The following THSD7A variants were observed in gnomAD, a reference collection of about 807,000 sequenced individuals.
THSD7A encodes the protein thrombospondin type-1 domain-containing protein 7A.
Under a neutral mutation model 231.3 loss-of-function variants are expected in THSD7A, and 96 were observed. The observed-to-expected ratio is 0.41, with a 90% CI of 0.35 to 0.49. The LOEUF (loss-of-function observed/expected upper bound fraction) is 0.49. Ranked by LOEUF, THSD7A falls within the 20% of genes least tolerant of loss-of-function variation. THSD7A has a pLI of 0.05. For missense variants in THSD7A, 2,290 were observed against 2,070.2 expected, an observed-to-expected ratio of 1.11 and a Z score of -2.06; for synonymous variants, 940 against 743.3, an observed-to-expected ratio of 1.26 and a Z score of -4.30.
intron 6 of THSD7A, among the ~76,000 whole-genome samples, chr7:11,499,352 A>C (rs1355381054): frequency 6.6e-6 from 1 of 151,992 alleles, no homozygotes; most frequent in South Asian, 2.1e-4. Context: ...ACTTGACCAC[A>C]ACCACTAATA....
chr7:11,809,150 C>G (rs1487206979), intron 1 of THSD7A, among the ~76,000 whole-genome samples: 1 of 152,042 alleles, frequency 6.6e-6, no homozygotes, highest in African/African-American at 2.4e-5. Context: ...CAGCTTTTGC[C>G]TCAAGAAGTC....
At chr7:11,745,245 T>C (rs1421271991) in intron 1 of THSD7A, among the ~76,000 whole-genome samples, 1 of 152,154 alleles carries the variant, frequency 6.6e-6, no homozygotes, top group Non-Finnish European at 1.5e-5. Flanking sequence ...TGTCTTCTTC[T>C]GAGAAATGTC....
intron 6 of THSD7A, among the ~76,000 whole-genome samples, chr7:11,523,668 G>T (rs1788358442): frequency 6.6e-6 from 1 of 151,994 alleles, no homozygotes; most frequent in Admixed American, 6.6e-5. Context: ...TAGAAAAGTT[G>T]TCTGGACCTG....
At chr7:11,778,467 C>T (rs80102062) in intron 1 of THSD7A, among the ~76,000 whole-genome samples, 2,695 of 152,112 alleles carry the variant, frequency 0.018, 46 homozygotes, top group Non-Finnish European at 0.03. Context: ...ATAGTGCCAA[C>T]AGAAATAAAG....
At chr7:11,383,004 G>C (rs1782583924) in intron 23 of THSD7A, among the ~76,000 whole-genome samples, 1 of 150,832 alleles carries the variant, frequency 6.6e-6, no homozygotes, top group Non-Finnish European at 1.5e-5. Context: ...TCATTAGCTT[G>C]TTGATGAATA....
intron 4 of THSD7A, among the ~76,000 whole-genome samples, chr7:11,548,350 G>A (rs1789485010): frequency 6.6e-6 from 1 of 151,964 alleles, no homozygotes; most frequent in Admixed American, 6.6e-5. Context: ...AAGTTCTAAA[G>A]TTGAAACAGT....
intron 1 of THSD7A, among the ~76,000 whole-genome samples, chr7:11,733,748 G>A (rs1036486895): frequency 1.3e-5 from 2 of 151,864 alleles, no homozygotes; most frequent in Admixed American, 1.3e-4. Flanking sequence ...ATAGAAGGCC[G>A]AAATTAAGGT....
Position 11,411,365 on chromosome 7 carries a change from A to AAAC in THSD7A, c.3683-46_3683-44dup. 1 of 1,370,672 alleles carries AAAC rather than the reference A, an allele frequency of 7.3e-7. No individual in the cohort carries two copies. The highest frequency in any genetic ancestry group is 1.0e-6 in the Non-Finnish European group (1 of 973,646). 84.9% of individuals were successfully genotyped at this position (1,370,672 alleles called of 1,614,324 possible). A position where few individuals can be genotyped will look rare whatever the true frequency, so the allele number is the denominator to read the frequency against. On this transcript the variant is annotated intron_variant, in intron 18 of 27. Transcript: ENST00000423059. This position sits in a 1 kb window ranked among gnomAD's most constrained non-coding sequence, Gnocchi z 4.1. ...CCATCAGAACAGAAGGCTAAGTAAG[A>AAAC]AACAGATTTCAAATGAAACTCTGAT...
At chr7:11,756,306 T>G (rs1782674183) in intron 1 of THSD7A, among the ~76,000 whole-genome samples, 1 of 152,136 alleles carries the variant, frequency 6.6e-6, no homozygotes, top group African/African-American at 2.4e-5. Flanking sequence ...GGAAGGTGAC[T>G]TCTAGGGTCA....
Position 11,466,553 on chromosome 7 carries a change from T to A in THSD7A, c.2368+3326A>T, listed in dbSNP as rs898352940. ...CTATCACTCTCCAGTCTTTAAAAAA[T>A]TTTTATTTCCTCAAATACCCAACTG... is the stretch of plus-strand genomic sequence containing the variant. On this transcript the variant is annotated intron_variant, in intron 9 of 27. Transcript: ENST00000423059. 7.9e-5 allele frequency among the ~76,000 whole-genome samples: 12 copies of A among 152,222 alleles called. No individual in the cohort carries two copies. The South Asian group carries it at 8.3e-4, about 11-fold the overall frequency.
chr7:11,424,618 G>C, intron 16 of THSD7A, 78 bp downstream of exon 16: 1 of 1,574,680 alleles, frequency 6.4e-7, no homozygotes, highest in Non-Finnish European at 8.6e-7. Flanking sequence ...GGGGAGGAGT[G>C]AACAGTCATG....
At chr7:11,483,979 T>C (rs1207788458) in intron 6 of THSD7A, among the ~76,000 whole-genome samples, 1 of 152,112 alleles carries the variant, frequency 6.6e-6, no homozygotes, top group African/African-American at 2.4e-5. Context: ...AATTTTGACC[T>C]TTCTTCTAAG....
rs563183655 is a variant in THSD7A at position 11,588,618 on chromosome 7, G to A, written c.1453+1842C>T. On this transcript the variant is annotated intron_variant, in intron 4 of 27. Transcript: ENST00000423059. ...TGCAGTGATTTAGCAGTGGTTGGGG[G>A]GAGCTCTAAAAGAAAATGCTTTAAA... 1.6e-3 allele frequency among the ~76,000 whole-genome samples: 240 copies of A among 151,950 alleles called. 1 individual carries two copies. Among genetic ancestry groups the A allele is most frequent in the African/African-American group, 5.6e-3 (231 of 41,436 alleles).
intron 6 of THSD7A, among the ~76,000 whole-genome samples, chr7:11,500,199 A>G (rs1049581921): frequency 2.6e-5 from 4 of 152,196 alleles, no homozygotes; most frequent in African/African-American, 9.6e-5. Flanking sequence ...AAAAATCTTC[A>G]ACTAACACTT....
intron 1 of THSD7A, among the ~76,000 whole-genome samples, chr7:11,769,136 TATATATATATATATATA>T (rs1562541212): frequency 5.7e-5 from 3 of 52,350 alleles, no homozygotes; most frequent in African/African-American, 1.2e-4. Flanking sequence ...TATATATATA[TATATATATATATATATA>T]TTTTTTTTTT....
At chr7:11,752,557 A>G in intron 1 of THSD7A, among the ~76,000 whole-genome samples, 1 of 152,040 alleles carries the variant, frequency 6.6e-6, no homozygotes, top group Non-Finnish European at 1.5e-5. Flanking sequence ...TGTGATATTA[A>G]GATCAATTTT....
At chr7:11,522,807 A>G (rs1234724590) in intron 6 of THSD7A, among the ~76,000 whole-genome samples, 1 of 152,162 alleles carries the variant, frequency 6.6e-6, no homozygotes, top group African/African-American at 2.4e-5. Context: ...ATAATACGAA[A>G]GTACATGGAA....
intron 1 of THSD7A, among the ~76,000 whole-genome samples, chr7:11,738,713 G>T (rs1782001359): frequency 6.6e-6 from 1 of 151,962 alleles, no homozygotes; most frequent in South Asian, 2.1e-4. Context: ...AGGGAGATTT[G>T]AAGATGCTAT....
chr7:11,624,271 G>A (rs1781409928), intron 2 of THSD7A, among the ~76,000 whole-genome samples: 1 of 151,950 alleles, frequency 6.6e-6, no homozygotes, highest in African/African-American at 2.4e-5. Flanking sequence ...TCTAGAATTT[G>A]ACCCCTCCAA....
Sources: gnomAD v4.1 joint callset for allele counts (sites outside exome capture counted in the v4.1 genomes callset) on GRCh38, gnomAD v4.1.1 for gene constraint, Gnocchi (gnomAD v3.1) non-coding constraint, MANE v1.5 for transcripts, NCBI Gene and HGNC (gene_info 2026-07-23, HGNC 2026-07-21) for gene names.